The following RELN variants were observed in gnomAD, a reference collection of about 807,000 sequenced individuals.
RELN encodes reelin.
In RELN, 108 loss-of-function variants were observed where a neutral mutation model predicts 427.6. The ratio of observed to expected loss-of-function variants is 0.25; its 90% CI spans 0.22 to 0.30. The LOEUF (loss-of-function observed/expected upper bound fraction) is 0.30, where lower values mean the gene tolerates loss of function less well. Among genes scored for constraint, RELN ranks in the 10% least tolerant of loss-of-function variants. The pLI is 1.00. For missense variants in RELN, 3,715 were observed against 4,302.8 expected (o/e 0.86, Z 3.82); for synonymous variants, 1,524 against 1,513.4 (o/e 1.01, Z -0.16).
chr7:103,698,332 G>A (rs1834021564), intron 9 of RELN, among the ~76,000 whole-genome samples: 1 of 152,112 alleles, frequency 6.6e-6, no homozygotes, highest in Non-Finnish European at 1.5e-5. Flanking sequence ...TGGAAAACAA[G>A]TCAGGCACTA....
Position 103,553,706 on chromosome 7 carries a change from C to T in RELN, c.5923G>A (p.Gly1975Ser), listed in dbSNP as rs114807343. The change falls in exon 39 of 65, where the codon GGT (glycine) becomes AGT (serine). Residue 1975 changes from glycine to serine, a missense_variant. Around this residue, in one of 4 missense-constraint regions of RELN, gnomAD observed 1,310 missense variants for 1,643.0 expected, o/e 0.80. Transcript: ENST00000428762. ...PREDNWFFYPGGNIGLYCPYS... is the reference protein window; with the variant it reads ...PREDNWFFYPSGNIGLYCPYS... ...GGACAATAAAGACCGATGTTACCAC[C>T]AGGATAGAAAAACCAATTGTCTTCT... is the stretch of plus-strand genomic sequence containing the variant. 5.0e-4 allele frequency: 808 copies of T among 1,614,100 alleles called. 6 individuals are homozygous for T. The African/African-American group carries it at 9.3e-3, about 19-fold the overall frequency.
intron 4 of RELN, among the ~76,000 whole-genome samples, chr7:103,765,443 C>T (rs1791406201): frequency 1.3e-5 from 2 of 152,080 alleles, no homozygotes; most frequent in Admixed American, 1.3e-4. Flanking sequence ...CATATGCCCA[C>T]TGGGGATACA....
chr7:103,509,630 G>A (rs1222890862), intron 51 of RELN, among the ~76,000 whole-genome samples: 1 of 152,026 alleles, frequency 6.6e-6, no homozygotes, highest in Non-Finnish European at 1.5e-5. Context: ...AAAAGCAATG[G>A]CAACAAAAGC....
At chr7:103,605,384 T>G (rs944676202) in intron 22 of RELN, among the ~76,000 whole-genome samples, 2 of 152,152 alleles carry the variant, frequency 1.3e-5, no homozygotes, top group Non-Finnish European at 2.9e-5. Context: ...AAACTGATCT[T>G]AAGTGGGGAT....
In RELN at chr7:103,989,586, C is replaced by G. The variant is rs1797184688; in HGVS notation, c.-230G>C. ...GGGAGCGCGGGACCGGGGCTGCGGG[C>G]GCCGAGAGCGCGTCGTCTGCCGCCT... On this transcript the variant is annotated 5_prime_UTR_variant, in exon 1 of 65. Coordinates refer to ENST00000428762, the MANE Select transcript of RELN (RefSeq NM_005045.4). The surrounding 1 kb of genome is among the most constrained non-coding windows in gnomAD (Gnocchi z 4.9). 5.2e-6 allele frequency: 2 copies of G among 387,382 alleles called. No homozygotes were observed. Among genetic ancestry groups the G allele is most frequent in the Admixed American group, 9.5e-5 (2 of 21,090 alleles). The allele number at this position is 387,382 out of a possible 1,614,324, so 24.0% of individuals were successfully genotyped here. A position where few individuals can be genotyped will look rare whatever the true frequency, so the allele number is the denominator to read the frequency against.
intron 6 of RELN, among the ~76,000 whole-genome samples, chr7:103,739,904 G>T (rs1188732304): frequency 6.6e-6 from 1 of 152,186 alleles, no homozygotes; most frequent in African/African-American, 2.4e-5. Context: ...GGGAACAGCA[G>T]AACAGTCTCC....
rs1200153665 is a variant in RELN, at chr7:103,575,614, G to A, written c.4237C>T (p.Pro1413Ser). Residue 1413 changes from proline (P) to serine (S), a missense_variant, in exon 29 of 65, where the codon CCC becomes TCC. Around this residue, in one of 4 missense-constraint regions of RELN, gnomAD observed 2,208 missense variants for 2,361.7 expected, o/e 0.93. Transcript: ENST00000428762. Reference sequence around the variant, plus strand: ...TCCCCATGGCCACTGCAGTAACTGGGACAAGGCTCGGATATGTACACTCCA... The same window carrying A: ...TCCCCATGGCCACTGCAGTAACTGGAACAAGGCTCGGATATGTACACTCCA... Reference protein sequence around the residue: ...LDGVYISEPCPSYCSGHGDCI... With the variant: ...LDGVYISEPCSSYCSGHGDCI... 2 of 1,613,994 alleles carry A rather than the reference G, an allele frequency of 1.2e-6. No homozygotes were observed. The highest frequency in any genetic ancestry group is 4.5e-5 in the East Asian group (2 of 44,884).
chr7:103,664,171 A>G (rs980723644), intron 11 of RELN, among the ~76,000 whole-genome samples: 2 of 152,234 alleles, frequency 1.3e-5, no homozygotes, highest in African/African-American at 4.8e-5. Flanking sequence ...CATGTTGGCT[A>G]TAACAGAAGT....
chr7:103,598,774 C>A, intron 24 of RELN, among the ~76,000 whole-genome samples: 1 of 152,112 alleles, frequency 6.6e-6, no homozygotes, highest in East Asian at 1.9e-4. Flanking sequence ...ACCTGAAATG[C>A]TGAACATTGT....
At chr7:103,641,097 T>A (rs1372954745) in intron 16 of RELN, among the ~76,000 whole-genome samples, 4 of 152,184 alleles carry the variant, frequency 2.6e-5, no homozygotes, top group African/African-American at 9.6e-5. Flanking sequence ...GAGTTAAGAA[T>A]ATGTTGTTGA....
At chr7:103,807,494 TG>T (rs1457310987) in intron 3 of RELN, among the ~76,000 whole-genome samples, 2 of 152,202 alleles carry the variant, frequency 1.3e-5, no homozygotes, top group African/African-American at 2.4e-5. Context: ...AGGGTATACA[TG>T]TGCAGGTTTG....
At position 103,611,719 on chromosome 7, in the gene RELN, C is replaced by A; in HGVS notation, c.2787G>T (p.Gln929His). The A allele has an allele frequency of 6.2e-7, 1 of 1,613,930 alleles. No homozygotes were observed. Among genetic ancestry groups the A allele is most frequent in the Non-Finnish European group, 8.5e-7 (1 of 1,179,930 alleles). Residue 929 changes from glutamine to histidine, a missense_variant, in exon 21 of 65, where the codon CAG (glutamine) becomes CAT (histidine). Physicochemically the swap from Gln to His is conservative, Grantham distance 24 (BLOSUM62 0). Coordinates refer to ENST00000428762, the MANE Select transcript of RELN (RefSeq NM_005045.4). Reference sequence around the variant, plus strand: ...GGCCACATCCCATCACCAAACTGAACTGAATCATATAGGATGCTCCTATCT... The same window carrying A: ...GGCCACATCCCATCACCAAACTGAAATGAATCATATAGGATGCTCCTATCT... ...SMQIGASYMIQFSLVMGCGQK... is the reference protein window; with the variant it reads ...SMQIGASYMIHFSLVMGCGQK...
At chr7:103,912,379 T>C (rs1415530832) in intron 2 of RELN, among the ~76,000 whole-genome samples, 2 of 151,992 alleles carry the variant, frequency 1.3e-5, no homozygotes, top group Non-Finnish European at 2.9e-5. Context: ...AGAGATGGGG[T>C]TTGACTATGT....
intron 1 of RELN, among the ~76,000 whole-genome samples, chr7:103,923,058 A>G (rs1049702625): frequency 6.6e-5 from 10 of 152,230 alleles, no homozygotes; most frequent in African/African-American, 2.4e-4. Flanking sequence ...TCTGAAGATG[A>G]AAAACGCCAG....
chr7:103,890,094 C>A lies in RELN; in HGVS notation c.337+26981G>T, dbSNP rs570147837. 4.6e-5 allele frequency among the ~76,000 whole-genome samples: 7 copies of A among 152,262 alleles called. No homozygotes were observed. In the East Asian group the frequency reaches 1.4e-3, roughly 29 times the overall value. On this transcript the variant is annotated intron_variant, in intron 2 of 64. Coordinates refer to ENST00000428762, the MANE Select transcript of RELN (RefSeq NM_005045.4). The stretch of plus-strand genomic sequence containing the variant: ...CACCTCTGGCAAACACTTTTGCAGT[C>A]TGCTCATCACTATGTCTCTGGTTTT...
chr7:103,533,316 T>A (rs183444701), intron 46 of RELN, among the ~76,000 whole-genome samples: 22 of 152,344 alleles, frequency 1.4e-4, no homozygotes, highest in Middle Eastern at 6.8e-3. Context: ...TAATAAACAT[T>A]GACATTTCAA....
intron 1 of RELN, among the ~76,000 whole-genome samples, chr7:103,977,185 C>A (rs1277057481): frequency 2.6e-5 from 4 of 151,810 alleles, no homozygotes; most frequent in African/African-American, 9.7e-5. Context: ...GTGGTGTGCG[C>A]CTGTAATCCT....
At chr7:103,827,325 A>AAGG (rs1373610012) in intron 3 of RELN, among the ~76,000 whole-genome samples, 3 of 151,932 alleles carry the variant, frequency 2.0e-5, no homozygotes, top group Non-Finnish European at 4.4e-5. Flanking sequence ...GACTTCTTGG[A>AAGG]AGGAGGAGGA....
At position 103,542,380 on chromosome 7, in the gene RELN, C is replaced by G. The variant is rs1186237502; in HGVS notation, c.6671+351G>C. Among the ~76,000 whole-genome samples the G allele has an allele frequency of 4.6e-5, 7 of 152,082 alleles. No individual in the cohort carries two copies. In the East Asian group the frequency reaches 1.3e-3, roughly 29 times the overall value. On this transcript the variant is annotated intron_variant, in intron 43 of 64. Transcript: ENST00000428762. ...AAATAATTTCTACATAGCGCAAGTGCTAATGAAAAGTATGTTATACAGAAA... is the reference window on the plus strand; with the variant it reads ...AAATAATTTCTACATAGCGCAAGTGGTAATGAAAAGTATGTTATACAGAAA...
Sources: allele counts gnomAD v4.1 joint callset (sites outside exome capture counted in the v4.1 genomes callset), GRCh38; gene constraint gnomAD v4.1.1; regional missense constraint gnomAD v4.1.1; non-coding constraint Gnocchi (gnomAD v3.1); transcripts MANE v1.5; gene names NCBI Gene and HGNC (gene_info 2026-07-23, HGNC 2026-07-21).